The following ABCC5 variants were observed in gnomAD, a reference collection of about 807,000 sequenced individuals.
ABCC5 encodes ATP-binding cassette sub-family C member 5.
In ABCC5, 61 loss-of-function variants were observed where a neutral mutation model predicts 160.9. The ratio of observed to expected loss-of-function variants is 0.38; its 90% CI spans 0.31 to 0.47. The LOEUF (loss-of-function observed/expected upper bound fraction) is 0.47, where lower values mean the gene tolerates loss of function less well. ABCC5 is among the 20% of genes least tolerant of loss of function. ABCC5 has a pLI of 0.99. For missense variants in ABCC5, 1,308 were observed against 1,813.3 expected, an observed-to-expected ratio of 0.72 and a Z score of 5.06; for synonymous variants, 666 against 700.6, an observed-to-expected ratio of 0.95 and a Z score of 0.78.
Position 183,921,804 on chromosome 3 carries a change from C to A in ABCC5, c.4213-403G>T, listed in dbSNP as rs1420340758. On this transcript the variant is annotated intron_variant, in intron 29 of 29. Coordinates refer to ENST00000334444, the MANE Select transcript of ABCC5 (RefSeq NM_005688.4). This position sits in a 1 kb window ranked among gnomAD's most constrained non-coding sequence, Gnocchi z 4.1. Reference sequence around the variant, plus strand: ...CAACACTTTGGGAGGCTGAGGTGGGCAGACTGCCTGAGGTGAGGAGTTCAA... The same window carrying A: ...CAACACTTTGGGAGGCTGAGGTGGGAAGACTGCCTGAGGTGAGGAGTTCAA... 3.9e-5 allele frequency among the ~76,000 whole-genome samples: 6 copies of A among 152,154 alleles called. No homozygotes were observed. In the East Asian group the frequency reaches 1.2e-3, roughly 29 times the overall value.
At chr3:183,977,395 C>A (rs1176345969) in intron 10 of ABCC5, 122 bp downstream of exon 10, 4 of 603,580 alleles carry the variant, frequency 6.6e-6, no homozygotes, top group African/African-American at 5.7e-5. Context: ...TACCAACTTG[C>A]CAAAAGGCCA....
At position 183,982,549 on chromosome 3, in the gene ABCC5, G is replaced by A; in HGVS notation, c.901C>T (p.Pro301Ser). The change falls in exon 7 of 30, where the codon CCC (proline) becomes TCC (serine). Residue 301 changes from proline (P) to serine (S), a missense_variant. By Grantham distance (74) the Pro-to-Ser change is moderately conservative. Transcript: ENST00000334444. This position sits in a 1 kb window ranked among gnomAD's most constrained non-coding sequence, Gnocchi z 5.2. ...AAVGSLLAGG[P>S]VVAILGMIYN... ...ATCATGCCTAAGATGGCAACAACGG[G>A]TCCTCCAGCCAGCAGGCTGCCAACG... is the stretch of plus-strand genomic sequence containing the variant. 1 of 1,614,140 alleles carries A rather than the reference G, an allele frequency of 6.2e-7. No homozygotes were observed. Among genetic ancestry groups the A allele is most frequent in the Non-Finnish European group, 8.5e-7 (1 of 1,180,030 alleles).
intron 2 of ABCC5, among the ~76,000 whole-genome samples, chr3:184,007,826 CAAAAACA>C (rs767964410): frequency 1.7e-4 from 26 of 151,924 alleles, no homozygotes; most frequent in Non-Finnish European, 2.9e-4. Flanking sequence ...GACTCTACCT[CAAAAACA>C]AAAAACAAAA....
At chr3:183,980,279 C>G (rs1415731930) in intron 8 of ABCC5, among the ~76,000 whole-genome samples, 1 of 152,238 alleles carries the variant, frequency 6.6e-6, no homozygotes, top group Non-Finnish European at 1.5e-5. Flanking sequence ...CACATAAAAA[C>G]ACTGAACTCC....
rs889389449 is a variant in ABCC5 at position 183,927,816 on chromosome 3, G to A, written c.3934-373C>T. On this transcript the variant is annotated intron_variant, in intron 27 of 29. Coordinates refer to ENST00000334444, the MANE Select transcript of ABCC5 (RefSeq NM_005688.4). ...TTCTGAAGTCCAAAGCCGTAGGCCC[G>A]TGCCTGTGAAACATTTTTTGTAAGC... The A allele has an allele frequency of 1.7e-5, 17 of 985,410 alleles. No homozygotes were observed. The African/African-American group carries it at 2.1e-4, about 12-fold the overall frequency. 61.0% of individuals were successfully genotyped at this position (985,410 alleles called of 1,614,324 possible).
intron 2 of ABCC5, chr3:184,001,056 T>C: frequency 2.5e-6 from 1 of 395,218 alleles, no homozygotes; most frequent in African/African-American, 2.1e-5. Flanking sequence ...AGTTTGAGAC[T>C]AGTCTGTGTA....
intron 22 of ABCC5, among the ~76,000 whole-genome samples, chr3:183,948,127 A>G (rs1320499640): frequency 1.3e-5 from 2 of 152,110 alleles, no homozygotes; most frequent in Non-Finnish European, 2.9e-5. Context: ...AGCAGACCAG[A>G]CCCCTCTGAA....
chr3:183,927,289 C>T (rs375273201), intron 28 of ABCC5, 41 bp downstream of exon 28: 1 of 1,595,466 alleles, frequency 6.3e-7, no homozygotes, highest in African/African-American at 1.3e-5. Context: ...TGCACTAAAA[C>T]ATTCCCATTC....
Position 183,951,613 on chromosome 3 carries a change from C to G in ABCC5, c.2815-43G>C. 6.2e-7 allele frequency: 1 copy of G among 1,601,994 alleles called. No individual in the cohort carries two copies. Among genetic ancestry groups the G allele is most frequent in the South Asian group, 1.1e-5 (1 of 89,888 alleles). On this transcript the variant is annotated intron_variant, in intron 19 of 29. Transcript: ENST00000334444. The surrounding 1 kb of genome is among the most constrained non-coding windows in gnomAD (Gnocchi z 4.7). ...GAGTGGTCAGGGCCCAGGGACGGCT[C>G]TGTTCCTACTGGTCCAGAGAACCGC...
At chr3:183,974,648 CAGTATA>C (rs1156636143) in intron 10 of ABCC5, among the ~76,000 whole-genome samples, 3 of 152,178 alleles carry the variant, frequency 2.0e-5, no homozygotes, top group Non-Finnish European at 4.4e-5. Context: ...AATAATTTTT[CAGTATA>C]AGTATATTCC....
intron 10 of ABCC5, among the ~76,000 whole-genome samples, chr3:183,976,493 G>A (rs1331767721): frequency 1.3e-5 from 2 of 151,966 alleles, no homozygotes; most frequent in Non-Finnish European, 2.9e-5. Flanking sequence ...GGGCTCAAGT[G>A]AGCCACCTGC....
At chr3:183,950,422 T>C (rs1170902296) in intron 20 of ABCC5, among the ~76,000 whole-genome samples, 1 of 152,166 alleles carries the variant, frequency 6.6e-6, no homozygotes, top group Non-Finnish European at 1.5e-5. Context: ...AAAATAAATA[T>C]GTGAAGAAGA....
intron 2 of ABCC5, among the ~76,000 whole-genome samples, chr3:184,007,750 T>C (rs893043946): frequency 1.3e-5 from 2 of 152,018 alleles, no homozygotes; most frequent in East Asian, 3.9e-4. Context: ...TCGCTTGAAC[T>C]TGGGAGGCGG....
chr3:183,985,298 C>A (rs1719107871), intron 5 of ABCC5: 1 of 1,612,744 alleles, frequency 6.2e-7, no homozygotes, highest in South Asian at 1.1e-5. Flanking sequence ...ATAAACATTA[C>A]CTTACCTGAA....
chr3:183,938,080 G>A lies in ABCC5; in HGVS notation c.3695-20C>T. ...ACTTCCCTGATGAGTCAGAAGACAT[G>A]CAAGAGAGGAGCTGTTAGCAAAGTC... On this transcript the variant is annotated intron_variant, in intron 25 of 29. Coordinates refer to ENST00000334444, the MANE Select transcript of ABCC5 (RefSeq NM_005688.4). The A allele has an allele frequency of 6.2e-7, 1 of 1,611,618 alleles. No homozygotes were observed. The highest frequency in any genetic ancestry group is 1.1e-5 in the South Asian group (1 of 90,798).
chr3:183,921,242 G>T lies in ABCC5; in HGVS notation c.*58C>A. 3 of 1,028,556 alleles carry T rather than the reference G, an allele frequency of 2.9e-6. No homozygotes were observed. Among genetic ancestry groups the T allele is most frequent in the Non-Finnish European group, 4.4e-6 (3 of 677,074 alleles). The allele number at this position is 1,028,556 out of a possible 1,614,324, so 63.7% of individuals were successfully genotyped here. ...GGTAGGAGGACGCGATGAGGGGCCC[G>T]CCCCAGGCAGGGAATGGCAATGCTC... On this transcript the variant is annotated 3_prime_UTR_variant, in exon 30 of 30. Transcript: ENST00000334444. This position sits in a 1 kb window ranked among gnomAD's most constrained non-coding sequence, Gnocchi z 4.1.
chr3:183,983,100 C>G (rs1251794186), intron 5 of ABCC5, 93 bp from the exon 6 acceptor site: 1 of 1,212,718 alleles, frequency 8.2e-7, no homozygotes, highest in African/African-American at 1.5e-5. Flanking sequence ...GTAGGCAGCT[C>G]CACTCAGGGA....
chr3:183,963,728 C>G lies in ABCC5; in HGVS notation c.2032-140G>C. ...CCGCAGATGAACTGCCATGCTGATT[C>G]CCCGCAGATGAACTGCCATGCTGAT... On this transcript the variant is annotated intron_variant, in intron 14 of 29. Transcript: ENST00000334444. This position sits in a 1 kb window ranked among gnomAD's most constrained non-coding sequence, Gnocchi z 4.6. 1.3e-6 allele frequency: 1 copy of G among 785,434 alleles called. No individual in the cohort carries two copies. 48.7% of individuals were successfully genotyped at this position (785,434 alleles called of 1,614,324 possible).
At chr3:183,928,001 T>C (rs1422017222) in intron 27 of ABCC5, 1 of 177,276 alleles carries the variant, frequency 5.6e-6, no homozygotes, top group East Asian at 1.9e-4. Flanking sequence ...ACCTGTAGAC[T>C]GCAGCTGCTC....
Sources: allele counts gnomAD v4.1 joint callset (sites outside exome capture counted in the v4.1 genomes callset), GRCh38; gene constraint gnomAD v4.1.1; non-coding constraint Gnocchi (gnomAD v3.1); transcripts MANE v1.5; gene names NCBI Gene and HGNC (gene_info 2026-07-23, HGNC 2026-07-21).